The following SLC4A4 variants were observed in gnomAD, a reference collection of about 807,000 sequenced individuals.
SLC4A4 encodes solute carrier family 4 member 4.
A neutral mutation model predicts 111.5 loss-of-function variants in SLC4A4; 27 were observed. The observed-to-expected ratio is 0.24, with a 90% CI of 0.18 to 0.33. The LOEUF is 0.33. Among genes scored for constraint, SLC4A4 ranks in the 10% least tolerant of loss-of-function variants. The pLI, the probability that SLC4A4 is intolerant of heterozygous loss-of-function variation, is 1.00. For synonymous variants in SLC4A4, 443 were observed against 463.4 expected, an observed-to-expected ratio of 0.96 and a Z score of 0.57; for missense variants, 909 against 1,315.5, an observed-to-expected ratio of 0.69 and a Z score of 4.78.
chr4:71,069,460 T>C (rs1294841188), intron 1 of SLC4A4, among the ~76,000 whole-genome samples: 2 of 152,174 alleles, frequency 1.3e-5, no homozygotes, highest in African/African-American at 2.4e-5. Context: ...TTGATAACAC[T>C]CTTGACAGGC....
At chr4:71,179,422 T>C (rs1380913226) in intron 2 of SLC4A4, among the ~76,000 whole-genome samples, 1 of 152,206 alleles carries the variant, frequency 6.6e-6, no homozygotes, top group Non-Finnish European at 1.5e-5. Context: ...ATTGTCCCTG[T>C]TTGCAGATGA....
Position 71,207,182 on chromosome 4 carries a change from G to A in SLC4A4, c.-2+19781G>A, listed in dbSNP as rs576672616. 1.9e-4 allele frequency among the ~76,000 whole-genome samples: 29 copies of A among 152,280 alleles called. No homozygotes were observed. The East Asian group carries it at 5.6e-3, about 29-fold the overall frequency. ...TAAGATAGATAAGATACTGGCAGCTGAAAGGACAATAAGAAGAAATGAGGT... is the reference window on the plus strand; with the variant it reads ...TAAGATAGATAAGATACTGGCAGCTAAAAGGACAATAAGAAGAAATGAGGT... On this transcript the variant is annotated intron_variant, in intron 1 of 25. Transcript: ENST00000264485.
chr4:71,087,080 A>G (rs1194934962), intron 1 of SLC4A4, among the ~76,000 whole-genome samples: 1 of 152,058 alleles, frequency 6.6e-6, no homozygotes, highest in African/African-American at 2.4e-5. Flanking sequence ...CCTCAATATC[A>G]GAGCCTGTTA....
chr4:71,202,682 A>T (rs1235415292), intron 1 of SLC4A4, among the ~76,000 whole-genome samples: 1 of 152,104 alleles, frequency 6.6e-6, no homozygotes, highest in African/African-American at 2.4e-5. Context: ...CCCCAGTTTT[A>T]ATTTAAATTG....
intron 7 of SLC4A4, among the ~76,000 whole-genome samples, chr4:71,424,553 G>A (rs1722909325): frequency 6.6e-6 from 1 of 152,030 alleles, no homozygotes; most frequent in South Asian, 2.1e-4. Context: ...TATGTTTATT[G>A]TGGCACTATT....
intron 16 of SLC4A4, among the ~76,000 whole-genome samples, chr4:71,508,184 A>G (rs975077927): frequency 6.6e-6 from 1 of 152,182 alleles, no homozygotes; most frequent in African/African-American, 2.4e-5. Context: ...GAACTGGAGA[A>G]CCAAGAGCAA....
intron 6 of SLC4A4, among the ~76,000 whole-genome samples, chr4:71,390,013 C>A (rs1025794945): frequency 3.3e-5 from 5 of 152,152 alleles, no homozygotes; most frequent in African/African-American, 4.8e-5. Flanking sequence ...TTTATAATAA[C>A]TTTCCTTAGT....
intron 18 of SLC4A4, among the ~76,000 whole-genome samples, chr4:71,539,267 A>G (rs998126657): frequency 6.6e-6 from 1 of 151,994 alleles, no homozygotes; most frequent in African/African-American, 2.4e-5. Context: ...TCCTTGCTTC[A>G]TTCCAAAAGC....
intron 2 of SLC4A4, among the ~76,000 whole-genome samples, chr4:71,139,621 G>T (rs1743944374): frequency 6.6e-6 from 1 of 152,178 alleles, no homozygotes; most frequent in Non-Finnish European, 1.5e-5. Context: ...CTCTGTACCT[G>T]TGGGCATTTT....
intron 2 of SLC4A4, among the ~76,000 whole-genome samples, chr4:71,156,582 G>GCGCA (rs1553957319): frequency 1.8e-5 from 2 of 111,920 alleles, no homozygotes; most frequent in East Asian, 2.9e-4. Flanking sequence ...ATGCGCGCGC[G>GCGCA]CGCGCGCACA....
At chr4:71,384,179 C>A (rs1718436398) in intron 6 of SLC4A4, among the ~76,000 whole-genome samples, 1 of 152,128 alleles carries the variant, frequency 6.6e-6, no homozygotes. Context: ...ATCATTTGGA[C>A]CCTAGATGGC....
At chr4:71,508,830 T>A (rs1020241029) in intron 16 of SLC4A4, among the ~76,000 whole-genome samples, 1 of 152,216 alleles carries the variant, frequency 6.6e-6, no homozygotes. Flanking sequence ...CCAGTATCCT[T>A]GATGAACATT....
chr4:71,222,482 A>G (rs1053129546), intron 1 of SLC4A4, among the ~76,000 whole-genome samples: 1 of 152,180 alleles, frequency 6.6e-6, no homozygotes, highest in Non-Finnish European at 1.5e-5. Context: ...TTATGCAACG[A>G]TTTTTAAATT....
At chr4:71,108,793 G>C (rs1306641430) in intron 2 of SLC4A4, among the ~76,000 whole-genome samples, 1 of 151,900 alleles carries the variant, frequency 6.6e-6, no homozygotes, top group East Asian at 1.9e-4. Context: ...TTTAATTTCA[G>C]TTATTTTGCC....
At chr4:71,368,104 AG>A (rs1228335520) in intron 6 of SLC4A4, among the ~76,000 whole-genome samples, 57 of 152,212 alleles carry the variant, frequency 3.7e-4, no homozygotes, top group Non-Finnish European at 4.4e-5. Context: ...GATTCCTTAA[AG>A]GATAATTATG....
chr4:71,369,218 A>G (rs542374841), intron 6 of SLC4A4, among the ~76,000 whole-genome samples: 1 of 152,342 alleles, frequency 6.6e-6, no homozygotes, highest in East Asian at 1.9e-4. Context: ...GCTCATGGTT[A>G]CTGAGTGGAG....
intron 4 of SLC4A4, among the ~76,000 whole-genome samples, chr4:71,343,158 G>A (rs1435664132): frequency 1.3e-5 from 2 of 152,092 alleles, no homozygotes. Flanking sequence ...TGTTTAATGT[G>A]TGATTGGTTG....
chr4:71,156,205 G>A (rs1744457997), intron 2 of SLC4A4, among the ~76,000 whole-genome samples: 1 of 152,128 alleles, frequency 6.6e-6, no homozygotes. Flanking sequence ...GAAGTGAGTT[G>A]GGTTTCCATA....
intron 14 of SLC4A4, among the ~76,000 whole-genome samples, chr4:71,476,857 G>A (rs1276164932): frequency 6.6e-6 from 1 of 151,688 alleles, no homozygotes; most frequent in Non-Finnish European, 1.5e-5. Flanking sequence ...CCATACATGG[G>A]TGGTTTTTGT....
Sources: gnomAD v4.1 joint callset for allele counts (sites outside exome capture counted in the v4.1 genomes callset) on GRCh38, gnomAD v4.1.1 for gene constraint, MANE v1.5 for transcripts, NCBI Gene and HGNC (gene_info 2026-07-23, HGNC 2026-07-21) for gene names.